The following POTEF variants were observed in gnomAD, a reference collection of about 807,000 sequenced individuals.
The protein encoded by POTEF is POTE ankyrin domain family member F.
POTEF carries 20 observed loss-of-function variants against 83.2 expected under a neutral mutation model. That is an observed-to-expected ratio of 0.24 (90% CI 0.17 to 0.35). POTEF has a LOEUF of 0.35. Ranked by LOEUF, POTEF falls within the 10% of genes least tolerant of loss-of-function variation. POTEF has a pLI of 1.00. For synonymous variants in POTEF, 196 were observed against 446.4 expected, an observed-to-expected ratio of 0.44 and a Z score of 7.07; for missense variants, 550 against 1,203.2, an observed-to-expected ratio of 0.46 and a Z score of 8.03.
chr2:130,114,483 C>G (rs1347401286), intron 5 of POTEF, among the ~76,000 whole-genome samples: 1 of 145,706 alleles, frequency 6.9e-6, no homozygotes, highest in East Asian at 2.0e-4. Flanking sequence ...TAGGAACTTG[C>G]CAAAGGAGCA....
chr2:130,083,310 G>A (rs1356875377), intron 15 of POTEF, among the ~76,000 whole-genome samples: 21 of 152,252 alleles, frequency 1.4e-4, no homozygotes, highest in Non-Finnish European at 2.6e-4. Flanking sequence ...ACTCCAGCCT[G>A]GGGGACAAAG....
chr2:130,075,018 C>A lies in POTEF; in HGVS notation c.2454G>T (p.Lys818Asn). The change falls in exon 17 of 17, where the codon AAG becomes AAT. Residue 818 changes from lysine to asparagine, a missense_variant. Lys to Asn is a moderately conservative substitution (Grantham distance 94). Coordinates refer to ENST00000409914, the MANE Select transcript of POTEF (RefSeq NM_001099771.2). The part of the protein sequence containing the change: ...ATLNPKANRE[K>N]MTQIMFETFN... ...AGGTCTCAAACATGATCTGGGTCAT[C>A]TTCTCGCGGTTGGCCTTAGGGTTCA... 1.2e-6 allele frequency: 2 copies of A among 1,613,560 alleles called. No homozygotes were observed. The highest frequency in any genetic ancestry group is 8.5e-7 in the Non-Finnish European group (1 of 1,179,870).
At chr2:130,124,360 A>G (rs1381240666) in intron 2 of POTEF, among the ~76,000 whole-genome samples, 1 of 109,220 alleles carries the variant, frequency 9.2e-6, no homozygotes, top group Non-Finnish European at 1.8e-5. Context: ...GAAAAGATCT[A>G]GCAGTTGTTC....
Position 130,120,297 on chromosome 2 carries a change from C to G in POTEF, c.219G>C (p.Arg73Ser). The G allele has an allele frequency of 1.2e-6, 2 of 1,607,158 alleles. No homozygotes were observed. The highest frequency in any genetic ancestry group is 1.7e-6 in the Non-Finnish European group (2 of 1,179,178). Residue 73 changes from arginine (R) to serine (S), a missense_variant, in exon 3 of 17, where the codon AGG (arginine) becomes AGC (serine). Coordinates refer to ENST00000409914, the MANE Select transcript of POTEF (RefSeq NM_001099771.2). ...KWCRHCFPCC[R>S]GSGKSNVGAS... Reference sequence around the variant, plus strand: ...CGCCCACGTTGCTCTTGCCACTCCCCCTGCAGCAGGGGAAGCAGTGGCGGC... The same window carrying G: ...CGCCCACGTTGCTCTTGCCACTCCCGCTGCAGCAGGGGAAGCAGTGGCGGC...
At chr2:130,126,447 T>C (rs1685095670) in intron 2 of POTEF, among the ~76,000 whole-genome samples, 1 of 151,922 alleles carries the variant, frequency 6.6e-6, no homozygotes, top group Non-Finnish European at 1.5e-5. Context: ...AGAGATGAAA[T>C]GGCTGTTTGC....
intron 5 of POTEF, among the ~76,000 whole-genome samples, chr2:130,113,529 T>TC (rs1684767561): frequency 3.3e-5 from 1 of 30,676 alleles, no homozygotes; most frequent in Non-Finnish European, 7.5e-5. Context: ...TTGTTGTCGT[T>TC]GTTGTTGTTG....
intron 9 of POTEF, among the ~76,000 whole-genome samples, chr2:130,101,263 A>C (rs1326179448): frequency 1.0e-4 from 15 of 150,460 alleles, no homozygotes; most frequent in Admixed American, 2.6e-4. Context: ...CAAATTCTCA[A>C]ATTTTAATTG....
chr2:130,121,366 G>C (rs1310829981), intron 2 of POTEF, among the ~76,000 whole-genome samples: 2 of 146,012 alleles, frequency 1.4e-5, no homozygotes, highest in Non-Finnish European at 3.0e-5. Flanking sequence ...TGAGGATGCT[G>C]ACAGCCTCCT....
intron 1 of POTEF, among the ~76,000 whole-genome samples, 183 bp downstream of exon 1, chr2:130,128,889 C>T (rs1685169100): frequency 8.0e-6 from 1 of 124,968 alleles, no homozygotes; most frequent in Non-Finnish European, 1.6e-5. Flanking sequence ...ACCCCCGCCA[C>T]CACGGGCAGT....
At position 130,074,816 on chromosome 2, in the gene POTEF, G is replaced by A. The variant is rs199761904; in HGVS notation, c.2656C>T (p.Pro886Ser). Residue 886 changes from proline to serine, a missense_variant, in exon 17 of 17, where the codon CCT becomes TCT. Coordinates refer to ENST00000409914, the MANE Select transcript of POTEF (RefSeq NM_001099771.2). ...GTGAGGATCTTCATGAGGTAGTCAG[G>A]CAGTTCCCGCCCAGCCAGGTCTAGG... Reference protein sequence around the residue: ...LRLDLAGRELPDYLMKILTEH... With the variant: ...LRLDLAGRELSDYLMKILTEH... 11 of 1,399,186 alleles carry A rather than the reference G, an allele frequency of 7.9e-6. 2 individuals are homozygous for A. The highest frequency in any genetic ancestry group is 6.9e-6 in the Non-Finnish European group (7 of 1,018,548). The allele number at this position is 1,399,186 out of a possible 1,614,324, so 86.7% of individuals were successfully genotyped here. A position where few individuals can be genotyped will look rare whatever the true frequency, so the allele number is the denominator to read the frequency against.
rs562345702 is a variant in POTEF at position 130,128,138 on chromosome 2, C to T, written c.-249-274G>A. 2.7e-3 allele frequency among the ~76,000 whole-genome samples: 399 copies of T among 148,186 alleles called. 3 individuals carry two copies. Among genetic ancestry groups the T allele is most frequent in the Admixed American group, 3.9e-3 (58 of 14,910 alleles). On this transcript the variant is annotated intron_variant, in intron 1 of 16. Coordinates refer to ENST00000409914, the MANE Select transcript of POTEF (RefSeq NM_001099771.2). ...GAGAAACTCAGACCCAGCCAGCCCT[C>T]CCCACTCAACTGCTGGTTCCCATTC... is the stretch of plus-strand genomic sequence containing the variant.
At chr2:130,102,894 C>T (rs891836932) in intron 8 of POTEF, among the ~76,000 whole-genome samples, 9 of 151,522 alleles carry the variant, frequency 5.9e-5, no homozygotes, top group Admixed American at 5.9e-4. Context: ...CTTTCGGATG[C>T]AAATCTGCTG....
intron 8 of POTEF, among the ~76,000 whole-genome samples, chr2:130,103,127 G>C (rs1684419808): frequency 1.5e-5 from 2 of 137,118 alleles, no homozygotes; most frequent in South Asian, 4.5e-4. Flanking sequence ...TTTGAGCCAG[G>C]GTCTTGCTCT....
intron 7 of POTEF, among the ~76,000 whole-genome samples, chr2:130,108,489 A>G (rs1374510670): frequency 2.6e-5 from 4 of 151,914 alleles, no homozygotes; most frequent in South Asian, 4.1e-4. Context: ...ATTTAACGAG[A>G]TAACATTTTT....
At chr2:130,128,637 T>C (rs1461674383) in intron 1 of POTEF, among the ~76,000 whole-genome samples, 1 of 148,638 alleles carries the variant, frequency 6.7e-6, no homozygotes, top group African/African-American at 2.5e-5. Context: ...CACAAGACAA[T>C]GCCTCAAAAT....
At chr2:130,122,694 C>A (rs974456683) in intron 2 of POTEF, among the ~76,000 whole-genome samples, 41 of 151,360 alleles carry the variant, frequency 2.7e-4, no homozygotes, top group African/African-American at 1.0e-3. Context: ...TTGTCACTTT[C>A]AATTTCTTTC....
At chr2:130,094,903 T>G (rs1440225938) in intron 11 of POTEF, among the ~76,000 whole-genome samples, 1 of 145,724 alleles carries the variant, frequency 6.9e-6, no homozygotes, top group Non-Finnish European at 1.5e-5. Context: ...ACCACAATAT[T>G]GGGCTTTTCT....
At position 130,112,929 on chromosome 2, in the gene POTEF, G is replaced by A. The variant is rs541051251; in HGVS notation, c.811-828C>T. Among the ~76,000 whole-genome samples the A allele has an allele frequency of 5.7e-3, 874 of 152,044 alleles. 19 individuals carry two copies. The highest frequency in any genetic ancestry group is 0.02 in the African/African-American group (838 of 41,300). ...TGAACAAAGAGACACAAAATCCTGA[G>A]AGGGCCATCCTCTACTTATTGAAAG... is the stretch of plus-strand genomic sequence containing the variant. On this transcript the variant is annotated intron_variant, in intron 5 of 16. Coordinates refer to ENST00000409914, the MANE Select transcript of POTEF (RefSeq NM_001099771.2).
chr2:130,111,653 T>C (rs1684713115), intron 6 of POTEF, among the ~76,000 whole-genome samples: 1 of 151,064 alleles, frequency 6.6e-6, no homozygotes, highest in Non-Finnish European at 1.5e-5. Context: ...TAAAAACTAT[T>C]AGAAAGGGTT....
Sources: allele counts gnomAD v4.1 joint callset (sites outside exome capture counted in the v4.1 genomes callset), GRCh38; gene constraint gnomAD v4.1.1; transcripts MANE v1.5; gene names NCBI Gene and HGNC (gene_info 2026-07-23, HGNC 2026-07-21).